MDGA2: variants seen among roughly 807,000 people sequenced by gnomAD.
MDGA2 encodes MAM domain containing glycosylphosphatidylinositol anchor 2, also known as MAM domain-containing glycosylphosphatidylinositol anchor protein 2.
In MDGA2, 40 loss-of-function variants were observed where a neutral mutation model predicts 117.8. The ratio of observed to expected loss-of-function variants is 0.34; its 90% CI spans 0.26 to 0.44. The LOEUF is 0.44. Ranked by LOEUF, MDGA2 falls within the 20% of genes least tolerant of loss-of-function variation. The pLI, the probability that MDGA2 is intolerant of heterozygous loss-of-function variation, is 1.00. For missense variants in MDGA2, 1,123 were observed against 1,250.6 expected, an observed-to-expected ratio of 0.90 and a Z score of 1.54; for synonymous variants, 452 against 439.0, an observed-to-expected ratio of 1.03 and a Z score of -0.37.
intron 8 of MDGA2, among the ~76,000 whole-genome samples, chr14:47,032,934 TTCCTCTGAGAGGAAATGC>T (rs1888714446): frequency 6.6e-6 from 1 of 152,166 alleles, no homozygotes; most frequent in South Asian, 2.1e-4. Context: ...CAGGGAAGTT[TTCCTCTGAGAGGAAATGC>T]AGTTGGATTA....
rs148836855 is a variant in MDGA2, at chr14:47,386,706, T to G, written c.281-85156A>C. Among the ~76,000 whole-genome samples the G allele has an allele frequency of 7.1e-3, 1,079 of 152,156 alleles. 10 individuals carry two copies. The highest frequency in any genetic ancestry group is 0.023 in the African/African-American group (951 of 41,506). The stretch of plus-strand genomic sequence containing the variant: ...TTGTCAAACTAATAATAAATAATAA[T>G]AAGAAGAAGAATCCACTTCCACAAG... On this transcript the variant is annotated intron_variant, in intron 1 of 16. Transcript: ENST00000399232.
intron 15 of MDGA2, among the ~76,000 whole-genome samples, chr14:46,848,171 T>C (rs1047494872): frequency 6.6e-6 from 1 of 152,004 alleles, no homozygotes. Flanking sequence ...CAGATAAAGC[T>C]GAAGTCAAAA....
intron 8 of MDGA2, among the ~76,000 whole-genome samples, chr14:47,028,545 G>A (rs952679): frequency 0.044 from 6,678 of 152,200 alleles, 188 homozygotes; most frequent in South Asian, 0.068. Flanking sequence ...TTACTTTGAA[G>A]CTCTAAATTG....
intron 1 of MDGA2, among the ~76,000 whole-genome samples, chr14:47,312,901 G>A (rs55880601): frequency 0.093 from 13,169 of 140,996 alleles, 724 homozygotes; most frequent in Non-Finnish European, 0.11. Context: ...AAATATACAA[G>A]ATTTTTAAAT....
At chr14:47,264,664 T>G (rs1269196707) in intron 2 of MDGA2, among the ~76,000 whole-genome samples, 3 of 152,140 alleles carry the variant, frequency 2.0e-5, no homozygotes, top group African/African-American at 7.2e-5. Context: ...TTTAAAAATT[T>G]TATGATTTTA....
intron 2 of MDGA2, among the ~76,000 whole-genome samples, chr14:47,252,709 T>A (rs1292970483): frequency 1.3e-5 from 2 of 152,126 alleles, no homozygotes; most frequent in East Asian, 3.9e-4. Flanking sequence ...CAGATCTGTA[T>A]GTTAGAATAC....
At chr14:47,466,094 T>A (rs1893597571) in intron 1 of MDGA2, among the ~76,000 whole-genome samples, 1 of 152,056 alleles carries the variant, frequency 6.6e-6, no homozygotes, top group Non-Finnish European at 1.5e-5. Context: ...TGCATGTTCT[T>A]ACCTATAAGT....
At chr14:47,262,494 A>G (rs1887828693) in intron 2 of MDGA2, among the ~76,000 whole-genome samples, 1 of 152,210 alleles carries the variant, frequency 6.6e-6, no homozygotes, top group Admixed American at 6.6e-5. Context: ...ATTAAATAGT[A>G]TGTGCATTGT....
intron 6 of MDGA2, among the ~76,000 whole-genome samples, chr14:47,072,150 G>C (rs941019047): frequency 5.0e-5 from 7 of 139,042 alleles, no homozygotes; most frequent in African/African-American, 1.9e-4. Context: ...ACATGAAAAT[G>C]TATTCATTAA....
At chr14:47,335,745 T>TATATATATAC in intron 1 of MDGA2, among the ~76,000 whole-genome samples, 7 of 95,556 alleles carry the variant, frequency 7.3e-5, no homozygotes, top group Non-Finnish European at 1.5e-4. Flanking sequence ...TATATATATA[T>TATATATATAC]ATACATACAT....
Position 46,902,112 on chromosome 14 carries a change from T to G in MDGA2, c.2238+17900A>C, listed in dbSNP as rs147022614. On this transcript the variant is annotated intron_variant, in intron 10 of 16. Transcript: ENST00000399232. ...CCTTGTTTTACAAGAAGGAGTTTTA[T>G]GCAAACCATATGCCACTGTAGAATA... 6.6e-5 allele frequency among the ~76,000 whole-genome samples: 10 copies of G among 152,332 alleles called. No homozygotes were observed. In the East Asian group the frequency reaches 1.9e-3, roughly 29 times the overall value.
At chr14:47,132,761 T>C (rs1882266496) in intron 4 of MDGA2, among the ~76,000 whole-genome samples, 1 of 151,920 alleles carries the variant, frequency 6.6e-6, no homozygotes, top group Non-Finnish European at 1.5e-5. Flanking sequence ...CTCAATGATT[T>C]TATAGTATTA....
intron 3 of MDGA2, among the ~76,000 whole-genome samples, chr14:47,216,662 A>T (rs1460506984): frequency 1.3e-5 from 2 of 152,108 alleles, no homozygotes; most frequent in East Asian, 3.8e-4. Context: ...CATGACCTAA[A>T]CTACAATAAC....
rs370481455 is a variant in MDGA2, at chr14:47,540,563, T to TATATATATACAC, written c.280+133953_280+133954insGTGTATATATAT. Among the ~76,000 whole-genome samples the TATATATATACAC allele has an allele frequency of 3.5e-3, 397 of 112,268 alleles. 20 individuals are homozygous for TATATATATACAC. In the East Asian group the frequency reaches 0.043, roughly 12 times the overall value. 73.7% of individuals were successfully genotyped at this position (112,268 alleles called of 152,430 possible). A position where few individuals can be genotyped will look rare whatever the true frequency, so the allele number is the denominator to read the frequency against. On this transcript the variant is annotated intron_variant, in intron 1 of 16. Transcript: ENST00000399232. ...GTGTATATATATATATGTATATATATACACACACACATAGAGAGAGAGACA... is the reference window on the plus strand; with the variant it reads ...GTGTATATATATATATGTATATATATATATATATACACACACACACACATAGAGAGAGAGACA...
chr14:47,532,120 T>A (rs555003977), intron 1 of MDGA2, among the ~76,000 whole-genome samples: 3 of 152,314 alleles, frequency 2.0e-5, no homozygotes, highest in African/African-American at 7.2e-5. Context: ...TACAGACTCT[T>A]ATAATTGCAT....
At chr14:46,989,066 T>C (rs1415869644) in intron 8 of MDGA2, among the ~76,000 whole-genome samples, 23 of 152,082 alleles carry the variant, frequency 1.5e-4, no homozygotes, top group Admixed American at 1.4e-3. Context: ...TTTTAGTACT[T>C]TACATGAACA....
At chr14:47,657,493 AGGAG>A (rs1260233890) in intron 1 of MDGA2, among the ~76,000 whole-genome samples, 1 of 152,218 alleles carries the variant, frequency 6.6e-6, no homozygotes. Context: ...ACCTGCCAGC[AGGAG>A]GGACCCTGAT....
intron 1 of MDGA2, among the ~76,000 whole-genome samples, chr14:47,314,539 T>A (rs918319579): frequency 6.6e-6 from 1 of 151,970 alleles, no homozygotes; most frequent in African/African-American, 2.4e-5. Flanking sequence ...TTAGCTGGGC[T>A]TGGTGGCATG....
chr14:47,433,438 A>C (rs1892837883), intron 1 of MDGA2, among the ~76,000 whole-genome samples: 1 of 152,140 alleles, frequency 6.6e-6, no homozygotes, highest in Admixed American at 6.6e-5. Flanking sequence ...AGACAAGAGA[A>C]CTGAAATAAT....
Sources: allele counts gnomAD v4.1 joint callset (sites outside exome capture counted in the v4.1 genomes callset), GRCh38; gene constraint gnomAD v4.1.1; transcripts MANE v1.5; gene names NCBI Gene and HGNC (gene_info 2026-07-23, HGNC 2026-07-21).